Variants in GPC6 observed in about 807,000 individuals in gnomAD.
GPC6 encodes glypican-6.
Under a neutral mutation model 55.2 loss-of-function variants are expected in GPC6, and 14 were observed. The observed-to-expected ratio is 0.25, with a 90% CI of 0.17 to 0.40. GPC6 has a LOEUF of 0.40. Ranked by LOEUF, GPC6 falls within the 10% of genes least tolerant of loss-of-function variation. The probability of loss-of-function intolerance (pLI) is 1.00; values close to 1 mark genes in which losing one functional copy is unlikely to be tolerated. For missense variants in GPC6, 641 were observed against 708.5 expected (o/e 0.90, Z 1.08); for synonymous variants, 278 against 259.6 (o/e 1.07, Z -0.68).
At chr13:93,856,486 T>C (rs1269401822) in intron 3 of GPC6, among the ~76,000 whole-genome samples, 1 of 151,508 alleles carries the variant, frequency 6.6e-6, no homozygotes, top group African/African-American at 2.4e-5. Context: ...CAAAGGAACA[T>C]AGGCAAATGA....
At chr13:93,268,656 T>G (rs937168026) in intron 1 of GPC6, among the ~76,000 whole-genome samples, 22 of 152,176 alleles carry the variant, frequency 1.4e-4, no homozygotes, top group African/African-American at 5.3e-4. Flanking sequence ...TTGCTGCATC[T>G]ATATTGGACT....
At chr13:94,238,070 T>C (rs1044829206) in intron 4 of GPC6, among the ~76,000 whole-genome samples, 1 of 152,098 alleles carries the variant, frequency 6.6e-6, no homozygotes, top group African/African-American at 2.4e-5. Flanking sequence ...AGCAACGAGG[T>C]AGATAAACAT....
At position 94,083,437 on chromosome 13, in the gene GPC6, G is replaced by A. The variant is rs1313668910; in HGVS notation, c.877+55543G>A. On this transcript the variant is annotated intron_variant, in intron 4 of 8. Coordinates refer to ENST00000377047, the MANE Select transcript of GPC6 (RefSeq NM_005708.5). The stretch of plus-strand genomic sequence containing the variant: ...CCGGCCAGGTTTTTCTTTTTTAATA[G>A]CACTTATCTCTACTTTGCTATATGT... Among the ~76,000 whole-genome samples, 10 of 152,116 alleles carry A rather than the reference G, an allele frequency of 6.6e-5. No individual in the cohort carries two copies. In the South Asian group the frequency reaches 1.5e-3, roughly 22 times the overall value.
At chr13:94,387,970 T>G (rs1343439137) in intron 7 of GPC6, among the ~76,000 whole-genome samples, 1 of 152,024 alleles carries the variant, frequency 6.6e-6, no homozygotes, top group Non-Finnish European at 1.5e-5. Flanking sequence ...AGAACCTGAG[T>G]GAGATTCAGC....
intron 1 of GPC6, among the ~76,000 whole-genome samples, chr13:93,366,834 T>G (rs926264792): frequency 6.6e-6 from 1 of 152,118 alleles, no homozygotes; most frequent in Non-Finnish European, 1.5e-5. Flanking sequence ...CTCTGATTTA[T>G]GAATTTATTT....
intron 2 of GPC6, among the ~76,000 whole-genome samples, chr13:93,618,045 A>G (rs893479158): frequency 8.5e-5 from 13 of 152,220 alleles, no homozygotes; most frequent in African/African-American, 2.9e-4. Flanking sequence ...ATATACATGG[A>G]CATACATACA....
intron 2 of GPC6, among the ~76,000 whole-genome samples, chr13:93,752,010 T>C (rs1328625314): frequency 6.6e-6 from 1 of 152,176 alleles, no homozygotes; most frequent in Non-Finnish European, 1.5e-5. Flanking sequence ...ATTTCTAATA[T>C]ACTATTAATC....
intron 6 of GPC6, 188 bp downstream of exon 6, chr13:94,306,311 A>C (rs1402921536): frequency 2.8e-6 from 2 of 702,760 alleles, no homozygotes; most frequent in African/African-American, 3.5e-5. Context: ...GGATTATTTA[A>C]GAAATCTATT....
At chr13:94,132,549 A>G (rs893314509) in intron 4 of GPC6, among the ~76,000 whole-genome samples, 5 of 152,180 alleles carry the variant, frequency 3.3e-5, no homozygotes, top group Admixed American at 6.5e-5. Context: ...AGAATCCTCA[A>G]GATCTCTTCC....
rs1290706072 is a variant in GPC6, at chr13:94,218,999, AT to A, written c.878-67349del. ...AATATGTGATCATTTAAAAAATGAT[AT>A]GATATAGATGATAAATAGCCTCATA... On this transcript the variant is annotated intron_variant, in intron 4 of 8. Coordinates refer to ENST00000377047, the MANE Select transcript of GPC6 (RefSeq NM_005708.5). 2.0e-5 allele frequency among the ~76,000 whole-genome samples: 3 copies of A among 152,310 alleles called. No individual in the cohort carries two copies. In the East Asian group the frequency reaches 5.8e-4, roughly 29 times the overall value.
At chr13:93,990,437 G>A (rs1462876984) in intron 3 of GPC6, among the ~76,000 whole-genome samples, 1 of 152,098 alleles carries the variant, frequency 6.6e-6, no homozygotes, top group African/African-American at 2.4e-5. Flanking sequence ...AATATCTCAT[G>A]AGGATAAAAT....
intron 2 of GPC6, among the ~76,000 whole-genome samples, chr13:93,631,764 T>TAC (rs1879450217): frequency 6.6e-6 from 1 of 152,232 alleles, no homozygotes; most frequent in African/African-American, 2.4e-5. Flanking sequence ...GCATCTAGCA[T>TAC]ACTTCCTCAA....
At chr13:93,796,616 A>G (rs545236092) in intron 2 of GPC6, among the ~76,000 whole-genome samples, 1 of 152,218 alleles carries the variant, frequency 6.6e-6, no homozygotes, top group Non-Finnish European at 1.5e-5. Context: ...TTCAGAAGTA[A>G]TTTCAAAACA....
intron 4 of GPC6, among the ~76,000 whole-genome samples, chr13:94,272,458 C>CTTTTTTTT (rs1272404309): frequency 8.7e-6 from 1 of 115,416 alleles, no homozygotes; most frequent in Non-Finnish European, 1.7e-5. Context: ...CTTTTCTTTT[C>CTTTTTTTT]TTTTCTTTTT....
intron 3 of GPC6, among the ~76,000 whole-genome samples, chr13:93,911,119 A>T (rs915658823): frequency 3.3e-5 from 5 of 152,234 alleles, no homozygotes; most frequent in African/African-American, 1.2e-4. Context: ...GAAGTGGTAG[A>T]TGGGAAATCT....
chr13:94,182,566 G>A (rs1889034275), intron 4 of GPC6, among the ~76,000 whole-genome samples: 1 of 152,136 alleles, frequency 6.6e-6, no homozygotes, highest in Non-Finnish European at 1.5e-5. Context: ...TCACAATTGG[G>A]AGTAGTAGTA....
intron 2 of GPC6, among the ~76,000 whole-genome samples, chr13:93,770,729 C>A (rs1186013950): frequency 1.3e-5 from 2 of 152,256 alleles, no homozygotes; most frequent in East Asian, 3.9e-4. Flanking sequence ...AATTTGCTTG[C>A]AGACATCAAC....
rs996057709 is a variant in GPC6, at chr13:94,091,999, A to G, written c.877+64105A>G. 1.3e-4 allele frequency among the ~76,000 whole-genome samples: 19 copies of G among 150,954 alleles called. 1 individual carries two copies. The highest frequency in any genetic ancestry group is 2.2e-4 in the Non-Finnish European group (15 of 67,852). ...CTTTATTGAGATATAATTGAAAAAAATTATATATATTTGCGGTGTAAAATG... is the reference window on the plus strand; with the variant it reads ...CTTTATTGAGATATAATTGAAAAAAGTTATATATATTTGCGGTGTAAAATG... On this transcript the variant is annotated intron_variant, in intron 4 of 8. Transcript: ENST00000377047.
At chr13:94,032,101 G>T (rs1036609889) in intron 4 of GPC6, among the ~76,000 whole-genome samples, 2 of 152,106 alleles carry the variant, frequency 1.3e-5, no homozygotes, top group African/African-American at 2.4e-5. Context: ...GTTAGAGAAT[G>T]CTTCTAACAT....
Sources: allele counts gnomAD v4.1 joint callset (sites outside exome capture counted in the v4.1 genomes callset), GRCh38; gene constraint gnomAD v4.1.1; transcripts MANE v1.5; gene names NCBI Gene and HGNC (gene_info 2026-07-23, HGNC 2026-07-21).